SCAND3: variants seen among roughly 807,000 people sequenced by gnomAD.
SCAND3 encodes SCAN domain-containing protein 3.
the SCAND3 span, chr6:28,571,699 A>T: frequency 4.5e-6 from 2 of 443,130 alleles, no homozygotes; most frequent in Non-Finnish European, 3.8e-6. Flanking sequence ...GACAAATATG[A>T]GGAAAAATAG....
the SCAND3 span, among the ~76,000 whole-genome samples, chr6:28,611,594 C>T: frequency 6.6e-6 from 1 of 152,236 alleles, no homozygotes; most frequent in Non-Finnish European, 1.5e-5. Context: ...ACTAATCTAA[C>T]TCACCTGCAC....
chr6:28,591,866 C>T, the SCAND3 span: 8 of 152,010 alleles, frequency 5.3e-5, no homozygotes, highest in South Asian at 4.2e-4. Flanking sequence ...GATCAGCTGC[C>T]GAGAGAAGAT....
At chr6:28,598,888 A>AG in the SCAND3 span, among the ~76,000 whole-genome samples, 4 of 149,190 alleles carry the variant, frequency 2.7e-5, no homozygotes, top group Non-Finnish European at 4.5e-5. Context: ...AAAAAAAAAA[A>AG]AAAAAAGAAA....
the SCAND3 span, among the ~76,000 whole-genome samples, chr6:28,615,446 C>T: frequency 6.6e-6 from 1 of 151,930 alleles, no homozygotes; most frequent in Non-Finnish European, 1.5e-5. Context: ...AAACTCGTTT[C>T]TACTAAAAAT....
the SCAND3 span, chr6:28,587,894 C>T: frequency 6.6e-6 from 1 of 152,022 alleles, no homozygotes; most frequent in African/African-American, 2.4e-5. Flanking sequence ...CAGCGCCTAG[C>T]GAATCACTGG....
the SCAND3 span, among the ~76,000 whole-genome samples, chr6:28,610,584 A>T: frequency 1.3e-4 from 20 of 152,274 alleles, no homozygotes; most frequent in East Asian, 3.5e-3. Flanking sequence ...AGTAAAACAC[A>T]AGAAACAAAG....
the SCAND3 span, among the ~76,000 whole-genome samples, chr6:28,586,001 TAA>T: frequency 1.3e-5 from 2 of 152,188 alleles, no homozygotes; most frequent in African/African-American, 2.4e-5. This position sits in a 1 kb window ranked among gnomAD's most constrained non-coding sequence, Gnocchi z 4.4. Context: ...AGTAATTTTT[TAA>T]AAAAAATTTA....
the SCAND3 span, among the ~76,000 whole-genome samples, chr6:28,577,029 G>C: frequency 6.6e-6 from 1 of 152,046 alleles, no homozygotes; most frequent in Non-Finnish European, 1.5e-5. Context: ...CATTTGAGGA[G>C]TAAGTTCCAA....
At chr6:28,573,458 T>C in the SCAND3 span, 2 of 1,614,166 alleles carry the variant, frequency 1.2e-6, no homozygotes, top group Middle Eastern at 1.7e-4. Context: ...TGAGAAACGT[T>C]GAACACCTGC....
the SCAND3 span, among the ~76,000 whole-genome samples, chr6:28,576,677 G>A: frequency 6.6e-6 from 1 of 151,824 alleles, no homozygotes; most frequent in Non-Finnish European, 1.5e-5. Flanking sequence ...GCCAGGACAT[G>A]AATTTCCAGA....
the SCAND3 span, among the ~76,000 whole-genome samples, chr6:28,602,956 A>ATTTTTTTTTTT: frequency 2.1e-5 from 2 of 94,458 alleles, no homozygotes; most frequent in South Asian, 3.3e-4. Flanking sequence ...CCAAAAAAAA[A>ATTTTTTTTTTT]TTTTTTTTTT....
chr6:28,589,655 G>A, the SCAND3 span: 1 of 152,042 alleles, frequency 6.6e-6, no homozygotes, highest in African/African-American at 2.4e-5. Context: ...CACGGGTTTG[G>A]AGACAAAGAG....
the SCAND3 span, among the ~76,000 whole-genome samples, chr6:28,599,216 T>A: frequency 2.0e-5 from 3 of 152,228 alleles, no homozygotes; most frequent in East Asian, 5.8e-4. Flanking sequence ...AACTCAATAT[T>A]GTCAAGACAT....
At chr6:28,601,201 G>A in the SCAND3 span, among the ~76,000 whole-genome samples, 11 of 151,996 alleles carry the variant, frequency 7.2e-5, no homozygotes, top group African/African-American at 2.4e-4. Flanking sequence ...CACGGCGCCC[G>A]GCCACATGTG....
chr6:28,602,717 TTAGG>T, the SCAND3 span, among the ~76,000 whole-genome samples: 2 of 152,190 alleles, frequency 1.3e-5, no homozygotes, highest in African/African-American at 4.8e-5. Context: ...TTTTTGCTAC[TTAGG>T]TAGGCCATTT....
At chr6:28,575,958 G>A in the SCAND3 span, 2 of 1,613,402 alleles carry the variant, frequency 1.2e-6, no homozygotes, top group Non-Finnish European at 1.7e-6. The surrounding 1 kb of genome is among the most constrained non-coding windows in gnomAD (Gnocchi z 4.2). Flanking sequence ...TCAACTGACA[G>A]TACTTTGCTT....
chr6:28,583,245 T>C, the SCAND3 span, among the ~76,000 whole-genome samples: 2 of 151,652 alleles, frequency 1.3e-5, no homozygotes, highest in Non-Finnish European at 2.9e-5. Context: ...TAGCCGGGCG[T>C]GGTGGCGGGC....
chr6:28,605,608 C>G, the SCAND3 span, among the ~76,000 whole-genome samples: 1 of 147,888 alleles, frequency 6.8e-6, no homozygotes, highest in African/African-American at 2.5e-5. Flanking sequence ...CTGAGGCGGG[C>G]GGATCACGAG....
chr6:28,582,738 T>C, the SCAND3 span, among the ~76,000 whole-genome samples: 6 of 150,042 alleles, frequency 4.0e-5, no homozygotes, highest in East Asian at 2.0e-4. The surrounding 1 kb of genome is among the most constrained non-coding windows in gnomAD (Gnocchi z 4.8). Context: ...CTGGCCAACA[T>C]GGTGAAGCCA....
Sources: allele counts gnomAD v4.1 joint callset (sites outside exome capture counted in the v4.1 genomes callset), GRCh38; gene constraint gnomAD v4.1.1; non-coding constraint Gnocchi (gnomAD v3.1); transcripts MANE v1.5; gene names NCBI Gene and HGNC (gene_info 2026-07-23, HGNC 2026-07-21).